Variants in CNTNAP2 observed in about 807,000 individuals in gnomAD.
The protein encoded by CNTNAP2 is contactin-associated protein-like 2.
CNTNAP2 carries 98 observed loss-of-function variants against 155.2 expected under a neutral mutation model. The observed-to-expected ratio is 0.63, with a 90% CI of 0.54 to 0.75. The LOEUF is 0.75. CNTNAP2 is among the 30% of genes least tolerant of loss of function. The probability of loss-of-function intolerance (pLI) is 0.00; values close to 1 mark genes in which losing one functional copy is unlikely to be tolerated. For synonymous variants in CNTNAP2, 651 were observed against 631.2 expected (o/e 1.03, Z -0.47); for missense variants, 1,727 against 1,688.1 (o/e 1.02, Z -0.40).
At chr7:146,491,375 C>CA (rs75631287) in intron 1 of CNTNAP2, among the ~76,000 whole-genome samples, 8,044 of 143,964 alleles carry the variant, frequency 0.056, 255 homozygotes, top group Middle Eastern at 0.13. Flanking sequence ...TTCTTTTTAA[C>CA]AAAAAAAAAA....
At chr7:146,836,684 T>A (rs1803623715) in intron 2 of CNTNAP2, among the ~76,000 whole-genome samples, 1 of 152,152 alleles carries the variant, frequency 6.6e-6, no homozygotes, top group Non-Finnish European at 1.5e-5. Context: ...AACAAATATT[T>A]TATATGTACT....
chr7:147,741,453 A>G (rs1796956335), intron 13 of CNTNAP2, among the ~76,000 whole-genome samples: 1 of 152,250 alleles, frequency 6.6e-6, no homozygotes, highest in Non-Finnish European at 1.5e-5. Flanking sequence ...CTATGCTGGC[A>G]TAAGAAGCAA....
chr7:147,616,075 T>C (rs200932231), intron 12 of CNTNAP2, among the ~76,000 whole-genome samples: 1 of 152,072 alleles, frequency 6.6e-6, no homozygotes, highest in African/African-American at 2.4e-5. Context: ...TTTTTCCCCC[T>C]GATAGGTCTC....
At position 148,220,072 on chromosome 7, in the gene CNTNAP2, C is replaced by A. The variant is rs544326837; in HGVS notation, c.3247+2548C>A. 3.3e-5 allele frequency among the ~76,000 whole-genome samples: 5 copies of A among 152,296 alleles called. No individual in the cohort carries two copies. In the South Asian group the frequency reaches 1.0e-3, roughly 32 times the overall value. The stretch of plus-strand genomic sequence containing the variant: ...ATTCCTAAAGAAATAAGCCAAAAGT[C>A]AAAGATTCATCATGAAGATGTTCAT... On this transcript the variant is annotated intron_variant, in intron 19 of 23. Transcript: ENST00000361727.
At chr7:148,148,497 A>C (rs765288783) in intron 17 of CNTNAP2, among the ~76,000 whole-genome samples, 12 of 152,244 alleles carry the variant, frequency 7.9e-5, no homozygotes, top group Admixed American at 4.6e-4. Context: ...TTGTGGATGC[A>C]TCATCTTAGA....
At chr7:146,194,536 C>G (rs575185222) in intron 1 of CNTNAP2, among the ~76,000 whole-genome samples, 2 of 152,246 alleles carry the variant, frequency 1.3e-5, no homozygotes, top group East Asian at 3.9e-4. Context: ...CCTGTCAGGA[C>G]ACTTGGGAAT....
chr7:147,271,255 G>GT (rs1201664482), intron 8 of CNTNAP2, among the ~76,000 whole-genome samples: 1 of 152,036 alleles, frequency 6.6e-6, no homozygotes, highest in Non-Finnish European at 1.5e-5. Context: ...AATAAGTGTA[G>GT]TTTTTTCCTC....
intron 12 of CNTNAP2, among the ~76,000 whole-genome samples, chr7:147,606,091 TC>T (rs1801058653): frequency 6.6e-6 from 1 of 152,106 alleles, no homozygotes; most frequent in Admixed American, 6.5e-5. Flanking sequence ...GTACAGTACA[TC>T]CCTATGCCCA....
At chr7:147,008,373 G>A (rs1402150226) in intron 3 of CNTNAP2, among the ~76,000 whole-genome samples, 1 of 152,016 alleles carries the variant, frequency 6.6e-6, no homozygotes, top group African/African-American at 2.4e-5. Flanking sequence ...GCTTACTATG[G>A]TGATTCATTT....
intron 8 of CNTNAP2, among the ~76,000 whole-genome samples, chr7:147,209,203 A>G (rs1803085749): frequency 6.6e-6 from 1 of 152,060 alleles, no homozygotes; most frequent in South Asian, 2.1e-4. Context: ...CACTTAAACA[A>G]TATTAATTCT....
chr7:146,276,217 A>G (rs1456641507), intron 1 of CNTNAP2, among the ~76,000 whole-genome samples: 4 of 152,240 alleles, frequency 2.6e-5, no homozygotes, highest in African/African-American at 9.6e-5. Flanking sequence ...ACAAAAAGCC[A>G]AATTAGAACC....
At chr7:147,881,489 GA>G (rs1799519338) in intron 13 of CNTNAP2, among the ~76,000 whole-genome samples, 1 of 152,172 alleles carries the variant, frequency 6.6e-6, no homozygotes, top group Non-Finnish European at 1.5e-5. Context: ...AAGATAAAGT[GA>G]GATGGCTTCC....
At chr7:146,718,619 G>T (rs1801232218) in intron 1 of CNTNAP2, among the ~76,000 whole-genome samples, 1 of 152,076 alleles carries the variant, frequency 6.6e-6, no homozygotes, top group African/African-American at 2.4e-5. Context: ...ATAATTTTGA[G>T]TCTCTGGCTG....
At chr7:147,132,612 G>T (rs754837081) in intron 8 of CNTNAP2, 103 bp downstream of exon 8, 1 of 1,458,128 alleles carries the variant, frequency 6.9e-7, no homozygotes. Flanking sequence ...CTCAGGATTA[G>T]GTTTTAATTC....
At chr7:147,170,160 C>A (rs1399608156) in intron 8 of CNTNAP2, among the ~76,000 whole-genome samples, 1 of 152,064 alleles carries the variant, frequency 6.6e-6, no homozygotes, top group East Asian at 1.9e-4. Context: ...AGACTCTGTG[C>A]AGGGGTTTTT....
intron 8 of CNTNAP2, among the ~76,000 whole-genome samples, chr7:147,170,016 C>T (rs1004210534): frequency 1.3e-5 from 2 of 151,934 alleles, no homozygotes; most frequent in Non-Finnish European, 2.9e-5. Context: ...TAAGGAGGCA[C>T]TCTGGCTTCT....
chr7:148,331,253 A>AACAG lies in CNTNAP2; in HGVS notation c.3476-52395_3476-52394insCAGA, dbSNP rs1310796497. ...GTGGATGGATGGAACAGATGGATGG[A>AACAG]ATGGATGGATGGATGGAGTGGACGG... On this transcript the variant is annotated intron_variant, in intron 21 of 23. Transcript: ENST00000361727. Among the ~76,000 whole-genome samples, 6 of 104,636 alleles carry AACAG rather than the reference A, an allele frequency of 5.7e-5. No individual in the cohort carries two copies. The South Asian group carries it at 1.6e-3, about 28-fold the overall frequency. The allele number at this position is 104,636 out of a possible 152,430, so 68.6% of individuals were successfully genotyped here.
At chr7:146,230,806 G>A (rs986250197) in intron 1 of CNTNAP2, among the ~76,000 whole-genome samples, 1 of 152,116 alleles carries the variant, frequency 6.6e-6, no homozygotes, top group Non-Finnish European at 1.5e-5. Flanking sequence ...GCTTGAGTCA[G>A]GAGTTTGAGA....
At chr7:147,729,427 C>A (rs893482715) in intron 13 of CNTNAP2, among the ~76,000 whole-genome samples, 3 of 22,160 alleles carry the variant, frequency 1.4e-4, no homozygotes, top group Non-Finnish European at 3.0e-4. Flanking sequence ...CACACACACA[C>A]GCACACACAC....
Sources: allele counts gnomAD v4.1 joint callset (sites outside exome capture counted in the v4.1 genomes callset), GRCh38; gene constraint gnomAD v4.1.1; transcripts MANE v1.5; gene names NCBI Gene and HGNC (gene_info 2026-07-23, HGNC 2026-07-21).